FUS: variants seen among roughly 807,000 people sequenced by gnomAD.
FUS encodes RNA-binding protein FUS.
A neutral mutation model predicts 82.7 loss-of-function variants in FUS; 5 were observed. That is an observed-to-expected ratio of 0.06 (90% CI 0.03 to 0.13). FUS has a LOEUF of 0.13. Among genes scored for constraint, FUS ranks in the 10% least tolerant of loss-of-function variants. The probability of loss-of-function intolerance (pLI) is 1.00; values close to 1 mark genes in which losing one functional copy is unlikely to be tolerated. For synonymous variants in FUS, 281 were observed against 247.4 expected (o/e 1.14, Z -1.27); for missense variants, 512 against 707.8 (o/e 0.72, Z 3.14).
downstream of FUS, chr16:31,192,051 CTG>C (rs886051941): frequency 5.6e-6 from 3 of 532,994 alleles, no homozygotes; most frequent in Admixed American, 4.4e-5. Flanking sequence ...AGGAGAGTAA[CTG>C]AGTGCTGCAG....
intron 1 of FUS, among the ~76,000 whole-genome samples, chr16:31,181,325 C>CT (rs2079174418): frequency 6.6e-6 from 1 of 152,212 alleles, no homozygotes; most frequent in Non-Finnish European, 1.5e-5. Flanking sequence ...GTTTCCTGTG[C>CT]TGGGAGGATG....
chr16:31,184,275 T>TAGCTATGGTGGACAGCAGCAA lies in FUS; in HGVS notation c.411_431dup (p.Gly138_Gly144dup). 1.2e-6 allele frequency: 2 copies of TAGCTATGGTGGACAGCAGCAA among 1,614,058 alleles called. No homozygotes were observed. Among genetic ancestry groups the TAGCTATGGTGGACAGCAGCAA allele is most frequent in the Non-Finnish European group, 1.7e-6 (2 of 1,179,984 alleles). On this transcript the variant is annotated inframe_insertion, in exon 5 of 15. Transcript: ENST00000254108. ...AGAGTGGGAGCTACAGCCAGCAGCCTAGCTATGGTGGACAGCAGCAAAGCT... is the reference window on the plus strand; with the variant it reads ...AGAGTGGGAGCTACAGCCAGCAGCCTAGCTATGGTGGACAGCAGCAAAGCTATGGTGGACAGCAGCAAAGCT...
chr16:31,182,360 G>A (rs375778873), intron 1 of FUS, 38 bp from the exon 2 acceptor site: 12 of 1,611,632 alleles, frequency 7.4e-6, no homozygotes, highest in African/African-American at 1.3e-5. Flanking sequence ...TTTCAGAGTG[G>A]CAGCTGAAGA....
Position 31,189,711 on chromosome 16 carries a change from G to A in FUS, c.983G>A (p.Arg328Lys). 2 of 1,614,162 alleles carry A rather than the reference G, an allele frequency of 1.2e-6. No homozygotes were observed. The highest frequency in any genetic ancestry group is 1.7e-6 in the Non-Finnish European group (2 of 1,180,034). ...GQPMINLYTD[R>K]ETGKLKGEAT... ...CCCATGATTAATTTGTACACAGACA[G>A]GGAAACTGGCAAGCTGAAGGGAGAG... is the stretch of plus-strand genomic sequence containing the variant. Residue 328 changes from arginine (R) to lysine (K), a missense_variant, in exon 10 of 15, where the codon AGG (arginine) becomes AAG (lysine). Arg to Lys is a conservative substitution (Grantham distance 26). Around this residue, in one of 6 missense-constraint regions of FUS, gnomAD observed 26 missense variants for 109.3 expected, o/e 0.24. Transcript: ENST00000254108.
downstream of FUS, chr16:31,191,928 T>C (rs763187551): frequency 7.5e-6 from 4 of 534,518 alleles, no homozygotes; most frequent in South Asian, 4.6e-5. Flanking sequence ...TAAGAACTCT[T>C]TGATCTTTTG....
chr16:31,190,129 C>A lies in FUS; in HGVS notation c.1156C>A (p.Arg386=), dbSNP rs61733965. Residue 386 remains arginine, a synonymous_variant, in exon 11 of 15, where the codon CGA becomes AGA. Transcript: ENST00000254108. ...GGGTGGTGGCAATGGTCGTGGAGGC[C>A]GAGGGCGAGGAGGTGAGGAGCTACC... ...NRGGGNGRGG[R]GRGGPMGRGG... is the part of the protein sequence containing the mutation. The A allele has an allele frequency of 2.5e-3, 4,078 of 1,613,930 alleles. 90 individuals are homozygous for A. In the African/African-American group the frequency reaches 0.049, roughly 19 times the overall value.
intron 7 of FUS, chr16:31,187,558 G>A: frequency 4.3e-6 from 1 of 230,082 alleles, no homozygotes; most frequent in Non-Finnish European, 8.6e-6. Flanking sequence ...CAGTAAGCTG[G>A]AACTTTTCTG....
intron 5 of FUS, 22 bp from the exon 6 acceptor site, chr16:31,184,915 TAA>T (rs2079240920): frequency 1.2e-6 from 2 of 1,606,492 alleles, no homozygotes; most frequent in Admixed American, 1.7e-5. Context: ...TTTTTTTTTT[TAA>T]TCATTCTTTC....
At chr16:31,185,662 C>T (rs551758285) in intron 6 of FUS, 51 of 465,528 alleles carry the variant, frequency 1.1e-4, no homozygotes, top group South Asian at 2.9e-4. Flanking sequence ...TTTGAATCCA[C>T]GAGCTTGATT....
At position 31,188,373 on chromosome 16, in the gene FUS, G is replaced by C; in HGVS notation, c.832+16G>C. On this transcript the variant is annotated intron_variant, in intron 8 of 14. Transcript: ENST00000254108. The stretch of plus-strand genomic sequence containing the variant: ...CATGACTCCGGTGAGTTCACACGTG[G>C]TGGCATGAAAAGAGTGGCTAAAGTG... 1 of 1,613,734 alleles carries C rather than the reference G, an allele frequency of 6.2e-7. No individual in the cohort carries two copies. Among genetic ancestry groups the C allele is most frequent in the Non-Finnish European group, 8.5e-7 (1 of 1,179,756 alleles).
chr16:31,189,428 T>C (rs558713171), intron 9 of FUS, among the ~76,000 whole-genome samples: 2 of 152,370 alleles, frequency 1.3e-5, no homozygotes, highest in East Asian at 3.8e-4. Context: ...GTATAACTTA[T>C]CAGAGTACCC....
At chr16:31,192,612 G>C (rs1431079883), downstream of FUS, 3 of 488,380 alleles carry the variant, frequency 6.1e-6, no homozygotes, top group South Asian at 4.6e-5. Flanking sequence ...CCAGGCTGGA[G>C]TGCAGTGGCG....
At chr16:31,193,099 C>G (rs1452704924), downstream of FUS, 1 of 483,982 alleles carries the variant, frequency 2.1e-6, no homozygotes, top group African/African-American at 2.0e-5. Flanking sequence ...GCCACCATGC[C>G]CAGCTAATTT....
intron 3 of FUS, chr16:31,183,617 T>C: frequency 1.9e-6 from 1 of 531,792 alleles, no homozygotes; most frequent in East Asian, 3.6e-5. Flanking sequence ...AGGGTGGTGC[T>C]GGAGATGGTG....
intron 7 of FUS, chr16:31,187,563 TTTCTG>T (rs1213835172): frequency 1.7e-5 from 4 of 229,598 alleles, no homozygotes; most frequent in Non-Finnish European, 3.4e-5. Context: ...AGCTGGAACT[TTTCTG>T]GTTTGGTTAA....
downstream of FUS, chr16:31,191,610 G>T: frequency 2.6e-6 from 2 of 774,880 alleles, no homozygotes; most frequent in Middle Eastern, 3.5e-4. Flanking sequence ...GTTAAATTTT[G>T]TTCCTCTTCC....
intron 10 of FUS, 44 bp downstream of exon 10, chr16:31,189,838 G>A: frequency 1.2e-6 from 2 of 1,613,046 alleles, no homozygotes. Context: ...GGGATATAGG[G>A]CAGCAAGCCT....
At chr16:31,184,903 G>A in intron 5 of FUS, 36 bp from the exon 6 acceptor site, 1 of 1,266,090 alleles carries the variant, frequency 7.9e-7, no homozygotes, top group Non-Finnish European at 1.1e-6. Context: ...CAATCTTTTT[G>A]TTTTTTTTTT....
At chr16:31,185,641 T>C in intron 6 of FUS, 2 of 484,956 alleles carry the variant, frequency 4.1e-6, no homozygotes, top group Middle Eastern at 3.0e-4. Context: ...TCTTCCCGTT[T>C]TCTATAGTCA....
Sources: allele counts gnomAD v4.1 joint callset (sites outside exome capture counted in the v4.1 genomes callset), GRCh38; gene constraint gnomAD v4.1.1; regional missense constraint gnomAD v4.1.1; transcripts MANE v1.5; gene names NCBI Gene and HGNC (gene_info 2026-07-23, HGNC 2026-07-21).